Variants in SH3PXD2A observed in about 807,000 individuals in gnomAD.
SH3PXD2A encodes SH3 and PX domains 2A.
Under a neutral mutation model 115.2 loss-of-function variants are expected in SH3PXD2A, and 32 were observed. The ratio of observed to expected loss-of-function variants is 0.28; its 90% CI spans 0.21 to 0.37. The LOEUF is 0.37. Among genes scored for constraint, SH3PXD2A ranks in the 10% least tolerant of loss-of-function variants. SH3PXD2A has a pLI of 1.00. For missense variants in SH3PXD2A, 1,328 were observed against 1,498.7 expected (o/e 0.89, Z 1.88); for synonymous variants, 610 against 629.1 (o/e 0.97, Z 0.45).
chr10:103,636,411 GAAA>G (rs555359998), intron 8 of SH3PXD2A, among the ~76,000 whole-genome samples: 5 of 91,180 alleles, frequency 5.5e-5, no homozygotes, highest in African/African-American at 1.4e-4. Context: ...TCCATCTTAA[GAAA>G]AAAAAAAAAA....
chr10:103,795,932 CAGGAAGGA>C (rs938972216), intron 2 of SH3PXD2A, among the ~76,000 whole-genome samples: 13 of 98,262 alleles, frequency 1.3e-4, no homozygotes, highest in African/African-American at 3.3e-4. Flanking sequence ...GGAAGGAAGG[CAGGAAGGA>C]AGGAAGGAAG....
intron 10 of SH3PXD2A, among the ~76,000 whole-genome samples, chr10:103,619,508 TGAC>T (rs2036571298): frequency 6.6e-6 from 1 of 152,216 alleles, no homozygotes; most frequent in Non-Finnish European, 1.5e-5. Context: ...CAGGGAAAAA[TGAC>T]AGCCCTTCTC....
chr10:103,835,731 TGG>T (rs1279905391), intron 1 of SH3PXD2A, among the ~76,000 whole-genome samples: 3 of 152,126 alleles, frequency 2.0e-5, no homozygotes, highest in Non-Finnish European at 4.4e-5. Flanking sequence ...TACCCTCCTC[TGG>T]GTCACAACAA....
intron 3 of SH3PXD2A, among the ~76,000 whole-genome samples, chr10:103,743,403 T>C (rs2038465411): frequency 2.0e-5 from 3 of 152,110 alleles, no homozygotes; most frequent in African/African-American, 7.2e-5. Flanking sequence ...TTTTTTTGTT[T>C]GTTTTTGAGA....
At chr10:103,614,945 C>T (rs1289545915) in intron 11 of SH3PXD2A, among the ~76,000 whole-genome samples, 1 of 152,184 alleles carries the variant, frequency 6.6e-6, no homozygotes, top group African/African-American at 2.4e-5. Flanking sequence ...GCTCGCCTCC[C>T]CAGGGATTGG....
At chr10:103,718,645 TAATATTTAAATG>T (rs1206819325) in intron 5 of SH3PXD2A, among the ~76,000 whole-genome samples, 1 of 152,184 alleles carries the variant, frequency 6.6e-6, no homozygotes, top group African/African-American at 2.4e-5. Context: ...GTGGGTGGCC[TAATATTTAAATG>T]AATATTTAAA....
At chr10:103,647,310 C>G (rs1461261851) in intron 8 of SH3PXD2A, among the ~76,000 whole-genome samples, 1 of 152,194 alleles carries the variant, frequency 6.6e-6, no homozygotes, top group African/African-American at 2.4e-5. Flanking sequence ...TCCTGCCCAA[C>G]CTGGCTATGA....
At chr10:103,738,189 GCCCTGCGT>G (rs1385549026) in intron 3 of SH3PXD2A, among the ~76,000 whole-genome samples, 1 of 152,210 alleles carries the variant, frequency 6.6e-6, no homozygotes, top group Non-Finnish European at 1.5e-5. Context: ...AAGCGGCTCT[GCCCTGCGT>G]CCCTCTCGAA....
chr10:103,719,328 G>A (rs570514039), intron 5 of SH3PXD2A, among the ~76,000 whole-genome samples: 5 of 152,376 alleles, frequency 3.3e-5, no homozygotes, highest in South Asian at 4.1e-4. Context: ...GGTTAGAACC[G>A]TAGGTCTGGG....
At chr10:103,714,387 A>G (rs1002059486) in intron 5 of SH3PXD2A, among the ~76,000 whole-genome samples, 1 of 152,214 alleles carries the variant, frequency 6.6e-6, no homozygotes, top group African/African-American at 2.4e-5. Context: ...CCCACCCTGA[A>G]GAAAATCCTG....
At chr10:103,758,089 T>C (rs1287237238) in intron 3 of SH3PXD2A, among the ~76,000 whole-genome samples, 1 of 152,174 alleles carries the variant, frequency 6.6e-6, no homozygotes, top group Non-Finnish European at 1.5e-5. Context: ...CAGATGATGC[T>C]ACAGAGCCTG....
In SH3PXD2A at chr10:103,735,750, G is replaced by A. The variant is rs200859749; in HGVS notation, c.288C>T (p.Pro96=). 4 of 1,592,012 alleles carry A rather than the reference G, an allele frequency of 2.5e-6. No homozygotes were observed. The East Asian group carries it at 6.8e-5, about 27-fold the overall frequency. ...IRDVAVKRLK[P]IDEYCRALVR... is the part of the protein sequence containing the mutation. ...CTCTCACCCGGCAGTATTCATCGAT[G>A]GGCTTCAGTCTCTTCACAGCTACGT... Residue 96 remains proline (P), a synonymous_variant, in exon 4 of 15, where the codon CCC becomes CCT. Transcript: ENST00000369774.
intron 8 of SH3PXD2A, among the ~76,000 whole-genome samples, chr10:103,647,839 G>GC (rs1464376670): frequency 6.6e-6 from 1 of 152,182 alleles, no homozygotes; most frequent in Non-Finnish European, 1.5e-5. Context: ...CTCCGGAGCA[G>GC]CGTCGTTCAT....
chr10:103,785,619 G>T (rs1226448522), intron 2 of SH3PXD2A, among the ~76,000 whole-genome samples: 1 of 152,114 alleles, frequency 6.6e-6, no homozygotes, highest in African/African-American at 2.4e-5. Context: ...TCCCCATCAG[G>T]TGCCAAGACT....
chr10:103,692,390 G>A (rs976989996), intron 6 of SH3PXD2A, among the ~76,000 whole-genome samples: 1 of 152,112 alleles, frequency 6.6e-6, no homozygotes, highest in Non-Finnish European at 1.5e-5. Flanking sequence ...CGGGGGGCGG[G>A]GAGGGGGTTG....
At chr10:103,811,088 A>G (rs1268538174) in intron 1 of SH3PXD2A, among the ~76,000 whole-genome samples, 1 of 152,140 alleles carries the variant, frequency 6.6e-6, no homozygotes, top group East Asian at 1.9e-4. Context: ...GGTCCCCAGG[A>G]GCGTCCGCTG....
At chr10:103,797,312 G>T (rs2039101357) in intron 2 of SH3PXD2A, among the ~76,000 whole-genome samples, 1 of 152,152 alleles carries the variant, frequency 6.6e-6, no homozygotes, top group Admixed American at 6.5e-5. Flanking sequence ...GATGGGAAGG[G>T]GACGCTGAGA....
At chr10:103,608,486 C>T (rs1025559192) in intron 13 of SH3PXD2A, 8 of 148,226 alleles carry the variant, frequency 5.4e-5, no homozygotes, top group South Asian at 4.3e-4. Flanking sequence ...AGAATTTCAT[C>T]GAATTTACAG....
intron 1 of SH3PXD2A, among the ~76,000 whole-genome samples, chr10:103,847,866 G>A (rs1413867425): frequency 6.6e-6 from 1 of 152,076 alleles, no homozygotes; most frequent in Non-Finnish European, 1.5e-5. Context: ...TTGAACCCGG[G>A]AGGCGGAGGC....
Sources: gnomAD v4.1 joint callset for allele counts (sites outside exome capture counted in the v4.1 genomes callset) on GRCh38, gnomAD v4.1.1 for gene constraint, MANE v1.5 for transcripts, NCBI Gene and HGNC (gene_info 2026-07-23, HGNC 2026-07-21) for gene names.